MEF2A: variants seen among roughly 807,000 people sequenced by gnomAD.
The protein encoded by MEF2A is myocyte enhancer factor 2A, also known as myocyte-specific enhancer factor 2A.
MEF2A carries 28 observed loss-of-function variants against 55.8 expected under a neutral mutation model. The ratio of observed to expected loss-of-function variants is 0.50; its 90% CI spans 0.37 to 0.69. MEF2A has a LOEUF of 0.69. Among genes scored for constraint, MEF2A ranks in the 30% least tolerant of loss-of-function variants. The pLI is 0.00. For missense variants in MEF2A, 528 were observed against 626.2 expected (o/e 0.84, Z 1.67); for synonymous variants, 239 against 227.1 (o/e 1.05, Z -0.47).
chr15:99,614,504 C>CT (rs1269959700), intron 2 of MEF2A, among the ~76,000 whole-genome samples: 4 of 152,258 alleles, frequency 2.6e-5, no homozygotes, highest in African/African-American at 9.6e-5. Context: ...ATGGTAGCAG[C>CT]TGAGGTTATA....
intron 7 of MEF2A, chr15:99,678,542 T>G: frequency 1.8e-6 from 1 of 550,944 alleles, no homozygotes; most frequent in Non-Finnish European, 2.3e-6. Flanking sequence ...AATATTGTCA[T>G]TTTCAAATAC....
At chr15:99,669,972 T>TACCTA (rs1383220474) in intron 4 of MEF2A, among the ~76,000 whole-genome samples, 5 of 152,218 alleles carry the variant, frequency 3.3e-5, no homozygotes, top group African/African-American at 1.2e-4. Context: ...TAGTTAGGCT[T>TACCTA]ACTTAGAAAT....
intron 2 of MEF2A, among the ~76,000 whole-genome samples, chr15:99,606,256 C>T (rs920163580): frequency 6.6e-6 from 1 of 151,788 alleles, no homozygotes; most frequent in African/African-American, 2.4e-5. Context: ...AAGAATGATT[C>T]GTATATTTCA....
chr15:99,687,557 G>T (rs1310527617), intron 7 of MEF2A, among the ~76,000 whole-genome samples: 5 of 152,086 alleles, frequency 3.3e-5, no homozygotes, highest in Non-Finnish European at 5.9e-5. Flanking sequence ...TTGTTCATTC[G>T]TGCTTTAACG....
intron 2 of MEF2A, among the ~76,000 whole-genome samples, chr15:99,617,019 T>TA (rs1406765561): frequency 6.6e-6 from 1 of 152,196 alleles, no homozygotes; most frequent in East Asian, 1.9e-4. Flanking sequence ...TTGTCTTTGT[T>TA]ACAGTCATTT....
chr15:99,710,697 C>G lies in MEF2A; in HGVS notation c.1073C>G (p.Ser358Trp). 6.2e-7 allele frequency: 1 copy of G among 1,613,498 alleles called. No individual in the cohort carries two copies. The highest frequency in any genetic ancestry group is 8.5e-7 in the Non-Finnish European group (1 of 1,179,448). ...LQGFNSPGML[S>W]LGQVSAWQQH... ...GGCTTCAACTCGCCAGGAATGCTGTCGCTGGGACAGGTGTCGGCCTGGCAG... is the reference window on the plus strand; with the variant it reads ...GGCTTCAACTCGCCAGGAATGCTGTGGCTGGGACAGGTGTCGGCCTGGCAG... The change falls in exon 11 of 12, where the codon TCG becomes TGG. Residue 358 changes from serine to tryptophan, a missense_variant. By Grantham distance (177) the Ser-to-Trp change is radical (BLOSUM62 -3). Around this residue, in one of 2 missense-constraint regions of MEF2A, gnomAD observed 450 missense variants for 475.3 expected, o/e 0.95. Coordinates refer to ENST00000557942, the MANE Select transcript of MEF2A (RefSeq NM_001319206.4).
In MEF2A at chr15:99,714,577, A is replaced by G. The variant is rs1440202605; in HGVS notation, c.*1806A>G. ...GGAATTAGTGCCACCCTCAGCTTGGATTTTGAACAAGGCCTTATTCTTTCA... is the reference window on the plus strand; with the variant it reads ...GGAATTAGTGCCACCCTCAGCTTGGGTTTTGAACAAGGCCTTATTCTTTCA... On this transcript the variant is annotated 3_prime_UTR_variant, in exon 12 of 12. Transcript: ENST00000557942. The G allele has an allele frequency of 6.6e-6, 1 of 152,006 alleles. No homozygotes were observed. Among genetic ancestry groups the G allele is most frequent in the Non-Finnish European group, 1.5e-5 (1 of 68,010 alleles). The allele number at this position is 152,006 out of a possible 1,614,324, so 9.4% of individuals were successfully genotyped here.
chr15:99,631,120 C>T (rs1172751414), intron 2 of MEF2A, among the ~76,000 whole-genome samples: 7 of 152,134 alleles, frequency 4.6e-5, no homozygotes, highest in Admixed American at 4.6e-4. Context: ...GCAAACTACT[C>T]CACCATTGTC....
At chr15:99,571,001 G>C (rs1399586819) in intron 1 of MEF2A, among the ~76,000 whole-genome samples, 1 of 151,804 alleles carries the variant, frequency 6.6e-6, no homozygotes, top group Non-Finnish European at 1.5e-5. Flanking sequence ...CCTGGCCAAC[G>C]TGGTGAAACC....
At chr15:99,685,223 C>T (rs1407892132) in intron 7 of MEF2A, among the ~76,000 whole-genome samples, 1 of 152,046 alleles carries the variant, frequency 6.6e-6, no homozygotes, top group East Asian at 1.9e-4. Context: ...CCCCCTAGTT[C>T]TGTGAAGAAT....
At chr15:99,706,614 C>T (rs1254594336) in intron 9 of MEF2A, 115 bp from the exon 10 acceptor site, 2 of 1,178,602 alleles carry the variant, frequency 1.7e-6, no homozygotes, top group Non-Finnish European at 2.5e-6. Flanking sequence ...ATCATCAGTG[C>T]TTCAGAAAAT....
chr15:99,639,625 C>T (rs1198186116), intron 3 of MEF2A, among the ~76,000 whole-genome samples: 1 of 152,160 alleles, frequency 6.6e-6, no homozygotes, highest in Non-Finnish European at 1.5e-5. Flanking sequence ...TGTCCATCAT[C>T]AGCTTTACCA....
chr15:99,708,284 A>AG (rs1489699965), intron 10 of MEF2A, among the ~76,000 whole-genome samples: 1 of 152,298 alleles, frequency 6.6e-6, no homozygotes, highest in East Asian at 1.9e-4. Flanking sequence ...TTGAGAAGGG[A>AG]GGGCAAAGCT....
Position 99,595,344 on chromosome 15 carries a change from T to G in MEF2A, c.-224-3086T>G, listed in dbSNP as rs544856042. ...TTGTCTATAGTTTTAATCTCCTTCC[T>G]CTGGCAGTACTTCCTTCCCTGCTTA... On this transcript the variant is annotated intron_variant, in intron 1 of 11. Transcript: ENST00000557942. Among the ~76,000 whole-genome samples the G allele has an allele frequency of 2.0e-5, 3 of 152,318 alleles. No individual in the cohort carries two copies. In the East Asian group the frequency reaches 5.8e-4, roughly 29 times the overall value.
At chr15:99,706,407 G>T (rs1239288484) in intron 9 of MEF2A, among the ~76,000 whole-genome samples, 18 of 152,126 alleles carry the variant, frequency 1.2e-4, no homozygotes, top group Non-Finnish European at 1.5e-5. Context: ...TTCATTTAGG[G>T]GAGTCTGACA....
chr15:99,576,433 G>A (rs940674465), intron 1 of MEF2A, among the ~76,000 whole-genome samples: 22 of 152,112 alleles, frequency 1.4e-4, no homozygotes, highest in Admixed American at 2.6e-4. Context: ...CTTGAGCGTG[G>A]TTGATTTGTC....
chr15:99,623,193 C>G (rs778015605), intron 2 of MEF2A, among the ~76,000 whole-genome samples: 41 of 152,256 alleles, frequency 2.7e-4, no homozygotes, highest in African/African-American at 9.1e-4. Flanking sequence ...TTTCCCTTAC[C>G]TAATGTCTTC....
At chr15:99,663,368 C>T (rs879356333) in intron 4 of MEF2A, among the ~76,000 whole-genome samples, 2 of 151,868 alleles carry the variant, frequency 1.3e-5, no homozygotes, top group Non-Finnish European at 2.9e-5. Context: ...ACATTATATA[C>T]GGAAATGGAC....
At chr15:99,569,970 A>G (rs895283921) in intron 1 of MEF2A, among the ~76,000 whole-genome samples, 2 of 151,930 alleles carry the variant, frequency 1.3e-5, no homozygotes, top group Admixed American at 6.5e-5. Flanking sequence ...CACACGATAT[A>G]GGTTGGTACT....
Sources: allele counts gnomAD v4.1 joint callset (sites outside exome capture counted in the v4.1 genomes callset), GRCh38; gene constraint gnomAD v4.1.1; regional missense constraint gnomAD v4.1.1; transcripts MANE v1.5; gene names NCBI Gene and HGNC (gene_info 2026-07-23, HGNC 2026-07-21).